Variants in NOL4 observed in about 807,000 individuals in gnomAD.
The protein encoded by NOL4 is nucleolar protein 4.
Under a neutral mutation model 75.9 loss-of-function variants are expected in NOL4, and 17 were observed. The observed-to-expected ratio is 0.22, with a 90% CI of 0.15 to 0.34. The LOEUF (loss-of-function observed/expected upper bound fraction) is 0.34. NOL4 is among the 10% of genes least tolerant of loss of function. The pLI is 1.00. For missense variants in NOL4, 614 were observed against 793.5 expected (o/e 0.77, Z 2.72); for synonymous variants, 292 against 289.9 (o/e 1.01, Z -0.07).
intron 6 of NOL4, among the ~76,000 whole-genome samples, chr18:34,015,681 G>GTC (rs1312237324): frequency 6.6e-6 from 1 of 151,800 alleles, no homozygotes; most frequent in Non-Finnish European, 1.5e-5. Flanking sequence ...TCTTTAAAAT[G>GTC]TCTCTCTCTC....
intron 1 of NOL4, among the ~76,000 whole-genome samples, chr18:34,219,799 C>T (rs2146631437): frequency 6.6e-6 from 1 of 152,358 alleles, no homozygotes; most frequent in East Asian, 1.9e-4. Context: ...TATGCGCGTG[C>T]GCGTGAGTGT....
intron 1 of NOL4, among the ~76,000 whole-genome samples, chr18:34,168,363 A>AT (rs574505544): frequency 1.3e-5 from 2 of 151,542 alleles, no homozygotes; most frequent in Admixed American, 6.6e-5. Context: ...ATATAAATAA[A>AT]TTTTTTTTAG....
At chr18:34,185,989 T>C (rs1392738776) in intron 1 of NOL4, among the ~76,000 whole-genome samples, 1 of 152,162 alleles carries the variant, frequency 6.6e-6, no homozygotes, top group Non-Finnish European at 1.5e-5. Flanking sequence ...AGTGATTAGG[T>C]TTAAAACTAG....
chr18:34,135,674 G>A (rs1298210578), intron 1 of NOL4, among the ~76,000 whole-genome samples: 1 of 126,438 alleles, frequency 7.9e-6, no homozygotes, highest in Non-Finnish European at 1.6e-5. Flanking sequence ...CTCCAGCCTG[G>A]GCGACAGAGT....
At chr18:34,119,698 T>A (rs2080037275) in intron 2 of NOL4, among the ~76,000 whole-genome samples, 1 of 152,110 alleles carries the variant, frequency 6.6e-6, no homozygotes, top group Non-Finnish European at 1.5e-5. Flanking sequence ...CTCGGCTCAC[T>A]GCCAGCTCCA....
At chr18:33,969,372 A>G (rs1021847150) in intron 6 of NOL4, among the ~76,000 whole-genome samples, 2 of 151,968 alleles carry the variant, frequency 1.3e-5, no homozygotes, top group African/African-American at 4.8e-5. Context: ...TATTTTTTTC[A>G]TATTACATTA....
chr18:34,019,661 C>T, intron 5 of NOL4, 60 bp from the exon 6 acceptor site: 1 of 1,465,004 alleles, frequency 6.8e-7, no homozygotes, highest in South Asian at 1.3e-5. Flanking sequence ...GAGTCTACTT[C>T]AACTAGCATT....
intron 5 of NOL4, among the ~76,000 whole-genome samples, chr18:34,055,050 G>T (rs2076778724): frequency 6.7e-6 from 1 of 149,912 alleles, no homozygotes. Context: ...ACTCCTTATT[G>T]TCCCTACTTT....
chr18:33,987,251 T>C (rs1464874918), intron 6 of NOL4, among the ~76,000 whole-genome samples: 1 of 152,092 alleles, frequency 6.6e-6, no homozygotes, highest in Non-Finnish European at 1.5e-5. Flanking sequence ...GGATAGGGGC[T>C]GAAATGACCG....
intron 1 of NOL4, among the ~76,000 whole-genome samples, chr18:34,148,663 C>T (rs763321418): frequency 3.3e-5 from 5 of 151,658 alleles, no homozygotes; most frequent in South Asian, 2.1e-4. Context: ...ATAAGTGAGA[C>T]GTGGTGCTTA....
intron 9 of NOL4, among the ~76,000 whole-genome samples, chr18:33,924,638 A>AGGCAAT (rs1234570231): frequency 1.3e-5 from 2 of 152,230 alleles, no homozygotes; most frequent in African/African-American, 4.8e-5. Context: ...TGTGATAAAA[A>AGGCAAT]GGCAATGCTG....
chr18:34,188,412 G>T (rs560521115), intron 1 of NOL4, among the ~76,000 whole-genome samples: 3 of 152,164 alleles, frequency 2.0e-5, no homozygotes, highest in Admixed American at 6.5e-5. Context: ...CATATAGTGG[G>T]GCTATGTCCC....
chr18:33,937,078 TGAA>T (rs2068106936), intron 9 of NOL4, among the ~76,000 whole-genome samples: 2 of 152,028 alleles, frequency 1.3e-5, no homozygotes, highest in South Asian at 4.1e-4. Context: ...ATTGTCAAAG[TGAA>T]GAAGAATTTC....
intron 1 of NOL4, among the ~76,000 whole-genome samples, chr18:34,166,828 G>A (rs2032410008): frequency 5.0e-5 from 2 of 40,276 alleles, no homozygotes; most frequent in African/African-American, 1.7e-4. Context: ...ATGAGGTCAG[G>A]AGATCGAGAC....
intron 1 of NOL4, among the ~76,000 whole-genome samples, chr18:34,201,741 C>A (rs1304620536): frequency 2.6e-5 from 4 of 151,794 alleles, no homozygotes; most frequent in African/African-American, 9.7e-5. Flanking sequence ...CACCTGAAAT[C>A]TTTCAAAATA....
intron 2 of NOL4, among the ~76,000 whole-genome samples, chr18:34,111,058 T>C (rs2079563548): frequency 6.6e-6 from 1 of 152,122 alleles, no homozygotes. Context: ...AGAGAAGGGA[T>C]AATCTCTTTA....
chr18:33,940,570 G>T (rs2068405438), intron 9 of NOL4, among the ~76,000 whole-genome samples: 1 of 151,934 alleles, frequency 6.6e-6, no homozygotes, highest in Non-Finnish European at 1.5e-5. Context: ...CTAGGGGAGG[G>T]ATAGCATCAG....
Position 34,221,900 on chromosome 18 carries a change from GAAAC to G in NOL4, c.264+1086_264+1089del, listed in dbSNP as rs2037336015. On this transcript the variant is annotated intron_variant, in intron 1 of 10. Transcript: ENST00000261592. ...GCATCCTCCAGGAATACTGCACCGG[GAAAC>G]AGTTGCCAGTACAGGAGGGGGGAAA... 1.7e-5 allele frequency: 13 copies of G among 763,166 alleles called. No individual in the cohort carries two copies. In the East Asian group the frequency reaches 3.7e-4, roughly 22 times the overall value. The allele number at this position is 763,166 out of a possible 1,614,324, so 47.3% of individuals were successfully genotyped here. A position where few individuals can be genotyped will look rare whatever the true frequency, so the allele number is the denominator to read the frequency against.
intron 6 of NOL4, among the ~76,000 whole-genome samples, chr18:34,008,920 T>C (rs1227551092): frequency 6.6e-6 from 1 of 152,028 alleles, no homozygotes; most frequent in East Asian, 1.9e-4. Context: ...CATATTCCCA[T>C]GTCACTGCAT....
Sources: allele counts gnomAD v4.1 joint callset (sites outside exome capture counted in the v4.1 genomes callset), GRCh38; gene constraint gnomAD v4.1.1; transcripts MANE v1.5; gene names NCBI Gene and HGNC (gene_info 2026-07-23, HGNC 2026-07-21).